Variants in NXPE4 observed in about 807,000 individuals in gnomAD.
NXPE4 encodes the protein neurexophilin and PC-esterase domain family member 4.
A neutral mutation model predicts 33.3 loss-of-function variants in NXPE4; 42 were observed. The observed-to-expected ratio is 1.26, with a 90% CI of 0.98 to 1.63. NXPE4 has a LOEUF of 1.63. Ranked by LOEUF, NXPE4 falls within the 40% of genes most tolerant of loss-of-function variation. NXPE4 has a pLI of 0.00. For synonymous variants in NXPE4, 253 were observed against 234.9 expected (o/e 1.08, Z -0.71); for missense variants, 709 against 647.6 (o/e 1.09, Z -1.03).
chr11:114,592,210 G>T (rs888905579), intron 2 of NXPE4, among the ~76,000 whole-genome samples: 1 of 152,066 alleles, frequency 6.6e-6, no homozygotes, highest in African/African-American at 2.4e-5. Context: ...GGGCATACAA[G>T]TTGGAAAGAA....
At chr11:114,583,276 G>A (rs1949199599) in intron 2 of NXPE4, 1 of 651,678 alleles carries the variant, frequency 1.5e-6, no homozygotes, top group Non-Finnish European at 2.8e-6. Context: ...AGGGCACCAG[G>A]AGGAAAGTCT....
chr11:114,598,001 T>C (rs1391114766), upstream of NXPE4, among the ~76,000 whole-genome samples: 1 of 152,054 alleles, frequency 6.6e-6, no homozygotes, highest in East Asian at 1.9e-4. Context: ...ACAAGGTAAG[T>C]CCCTTCCACC....
At chr11:114,622,595 A>G in the NXPE4 span, among the ~76,000 whole-genome samples, 1 of 150,160 alleles carries the variant, frequency 6.7e-6, no homozygotes, top group Admixed American at 6.6e-5. Context: ...GGTAATAAGC[A>G]TTACCTCGTG....
chr11:114,650,571 G>GA, the NXPE4 span, among the ~76,000 whole-genome samples: 1 of 151,192 alleles, frequency 6.6e-6, no homozygotes, highest in African/African-American at 2.4e-5. Flanking sequence ...CCCAGGAAGT[G>GA]AGAAAAAATC....
At chr11:114,674,436 T>C in the NXPE4 span, among the ~76,000 whole-genome samples, 1 of 151,736 alleles carries the variant, frequency 6.6e-6, no homozygotes, top group Non-Finnish European at 1.5e-5. Context: ...GAGAATCCTA[T>C]TGTATGTGGT....
the NXPE4 span, among the ~76,000 whole-genome samples, chr11:114,601,889 T>C: frequency 2.3e-5 from 1 of 43,152 alleles, no homozygotes; most frequent in Non-Finnish European, 4.7e-5. Context: ...TATAATTATA[T>C]ATTATATTTA....
the NXPE4 span, among the ~76,000 whole-genome samples, chr11:114,614,160 C>G: frequency 6.7e-6 from 1 of 148,542 alleles, no homozygotes; most frequent in Non-Finnish European, 1.5e-5. Flanking sequence ...TCATGGGTAC[C>G]AACTCTTACC....
At chr11:114,654,406 A>C in the NXPE4 span, among the ~76,000 whole-genome samples, 1 of 151,858 alleles carries the variant, frequency 6.6e-6, no homozygotes, top group African/African-American at 2.4e-5. Context: ...GGTTTGTTAC[A>C]TAGGTATATG....
rs193033600 is a variant in NXPE4 at position 114,579,362 on chromosome 11, T to G, written c.1099+770A>C. Among the ~76,000 whole-genome samples, 41 of 152,226 alleles carry G rather than the reference T, an allele frequency of 2.7e-4. 1 individual carries two copies. The East Asian group carries it at 6.6e-3, about 24-fold the overall frequency. ...TGGAGATCATGTTTCAACATGAGAT[T>G]TGGAGGGGACAATCAGTCAAACTAT... On this transcript the variant is annotated intron_variant, in intron 5 of 5. Transcript: ENST00000375478.
At chr11:114,636,882 A>T in the NXPE4 span, among the ~76,000 whole-genome samples, 1 of 152,090 alleles carries the variant, frequency 6.6e-6, no homozygotes, top group African/African-American at 2.4e-5. Flanking sequence ...TTTATTTCCA[A>T]GTATATGGTC....
the NXPE4 span, among the ~76,000 whole-genome samples, chr11:114,637,775 A>T: frequency 1.3e-5 from 2 of 151,866 alleles, no homozygotes; most frequent in Non-Finnish European, 2.9e-5. Context: ...TCTCTTTAAG[A>T]ATGTTGAATA....
the NXPE4 span, among the ~76,000 whole-genome samples, chr11:114,636,980 C>T: frequency 6.6e-6 from 1 of 152,054 alleles, no homozygotes; most frequent in African/African-American, 2.4e-5. Flanking sequence ...CTATTAGGTC[C>T]ACTTGGTGCA....
At chr11:114,617,675 C>T in the NXPE4 span, among the ~76,000 whole-genome samples, 13 of 151,480 alleles carry the variant, frequency 8.6e-5, no homozygotes, top group African/African-American at 1.7e-4. Flanking sequence ...CACTGTTACC[C>T]GGTGGATAAA....
At chr11:114,657,579 A>G in the NXPE4 span, among the ~76,000 whole-genome samples, 932 of 152,306 alleles carry the variant, frequency 6.1e-3, 9 homozygotes, top group Non-Finnish European at 8.3e-3. Flanking sequence ...TTAATGTCGT[A>G]TAATAGGAAG....
intron 5 of NXPE4, among the ~76,000 whole-genome samples, chr11:114,573,665 C>G (rs537791214): frequency 1.3e-5 from 2 of 151,884 alleles, no homozygotes; most frequent in South Asian, 4.2e-4. Flanking sequence ...AGGAAAATAC[C>G]ACAATTCTAA....
the NXPE4 span, among the ~76,000 whole-genome samples, chr11:114,614,173 G>A: frequency 6.7e-6 from 1 of 148,774 alleles, no homozygotes; most frequent in Non-Finnish European, 1.5e-5. Context: ...CTCTTACCCT[G>A]TAATAAGAGG....
At chr11:114,589,556 C>T (rs577474729) in intron 2 of NXPE4, among the ~76,000 whole-genome samples, 17 of 152,188 alleles carry the variant, frequency 1.1e-4, no homozygotes, top group African/African-American at 1.4e-4. Context: ...TAGGTAGAGA[C>T]GTTCTAGCTT....
chr11:114,625,198 T>C, the NXPE4 span, among the ~76,000 whole-genome samples: 65,409 of 151,634 alleles, frequency 0.43, 15,283 homozygotes, highest in African/African-American at 0.61. Context: ...CGTGTGGCCT[T>C]GTGGGTAACC....
At chr11:114,633,410 T>G in the NXPE4 span, among the ~76,000 whole-genome samples, 3 of 145,534 alleles carry the variant, frequency 2.1e-5, no homozygotes, top group African/African-American at 7.5e-5. Context: ...TTATATTTTA[T>G]TATATGTTAT....
Sources: gnomAD v4.1 joint callset for allele counts (sites outside exome capture counted in the v4.1 genomes callset) on GRCh38, gnomAD v4.1.1 for gene constraint, MANE v1.5 for transcripts, NCBI Gene and HGNC (gene_info 2026-07-23, HGNC 2026-07-21) for gene names.